The following AKT3 variants were observed in gnomAD, a reference collection of about 807,000 sequenced individuals.
The protein encoded by AKT3 is RAC-gamma serine/threonine-protein kinase.
Under a neutral mutation model 65.3 loss-of-function variants are expected in AKT3, and 15 were observed. The observed-to-expected ratio is 0.23, with a 90% CI of 0.15 to 0.35. AKT3 has a LOEUF of 0.35. AKT3 is among the 10% of genes least tolerant of loss of function. The probability of loss-of-function intolerance (pLI) is 1.00; values close to 1 mark genes in which losing one functional copy is unlikely to be tolerated. For missense variants in AKT3, 243 were observed against 576.5 expected (o/e 0.42, Z 5.92); for synonymous variants, 206 against 183.8 (o/e 1.12, Z -0.98).
intron 10 of AKT3, among the ~76,000 whole-genome samples, chr1:243,557,513 G>A (rs899145049): frequency 6.6e-6 from 1 of 151,966 alleles, no homozygotes; most frequent in Non-Finnish European, 1.5e-5. Context: ...TATAAACATT[G>A]AGAGGCGTTA....
At chr1:243,594,971 T>G (rs1676496908) in intron 8 of AKT3, among the ~76,000 whole-genome samples, 1 of 152,094 alleles carries the variant, frequency 6.6e-6, no homozygotes, top group Non-Finnish European at 1.5e-5. Flanking sequence ...ACAGCATACA[T>G]AAAAATTAAA....
intron 2 of AKT3, among the ~76,000 whole-genome samples, chr1:243,781,048 T>C (rs1231522342): frequency 6.6e-6 from 1 of 152,096 alleles, no homozygotes; most frequent in Non-Finnish European, 1.5e-5. Context: ...TAAAGTCTCT[T>C]CTATGGCATA....
intron 8 of AKT3, among the ~76,000 whole-genome samples, chr1:243,599,500 C>T (rs1005936208): frequency 2.0e-5 from 3 of 152,158 alleles, no homozygotes; most frequent in South Asian, 2.1e-4. Context: ...AGAAAATAGA[C>T]GTATGCTGTT....
intron 2 of AKT3, among the ~76,000 whole-genome samples, chr1:243,729,738 T>C (rs975649231): frequency 3.9e-5 from 6 of 152,184 alleles, no homozygotes; most frequent in African/African-American, 1.4e-4. Context: ...AATAAAAATA[T>C]GTGCATAGAC....
chr1:243,637,367 C>T (rs890078454), intron 6 of AKT3, among the ~76,000 whole-genome samples: 2 of 152,010 alleles, frequency 1.3e-5, no homozygotes, highest in African/African-American at 4.8e-5. Flanking sequence ...CCCAAACATG[C>T]AAACATAAAC....
Position 243,750,710 on chromosome 1 carries a change from T to C in AKT3, c.47-54994A>G, listed in dbSNP as rs541630454. On this transcript the variant is annotated intron_variant, in intron 2 of 13. Transcript: ENST00000673466. ...GATTCTCCTGCTTCAGCTTCTCGAG[T>C]AGCTGGGACTACAGGTGCCTGCCAT... Among the ~76,000 whole-genome samples the C allele has an allele frequency of 9.2e-5, 14 of 151,916 alleles. No homozygotes were observed. The South Asian group carries it at 2.9e-3, about 32-fold the overall frequency.
chr1:243,757,507 A>C (rs1425026159), intron 2 of AKT3, among the ~76,000 whole-genome samples: 2 of 152,072 alleles, frequency 1.3e-5, no homozygotes, highest in South Asian at 2.1e-4. Flanking sequence ...AATCCCTGCT[A>C]CTCAGGAGGC....
chr1:243,593,973 A>G (rs554126244), intron 8 of AKT3, among the ~76,000 whole-genome samples: 2 of 152,342 alleles, frequency 1.3e-5, no homozygotes, highest in South Asian at 4.1e-4. Context: ...ACAGACAAAT[A>G]TATACATGCC....
rs543290354 is a variant in AKT3, at chr1:243,682,217, C to T, written c.172+13374G>A. On this transcript the variant is annotated intron_variant, in intron 3 of 13. Transcript: ENST00000673466. ...TTATACAGTAAATACACTACAGTTGCCTTATCACACGCAGGCTGCAGGTGG... is the reference window on the plus strand; with the variant it reads ...TTATACAGTAAATACACTACAGTTGTCTTATCACACGCAGGCTGCAGGTGG... Among the ~76,000 whole-genome samples the T allele has an allele frequency of 2.0e-5, 3 of 152,150 alleles. No individual in the cohort carries two copies. The South Asian group carries it at 6.2e-4, about 32-fold the overall frequency.
chr1:243,679,561 C>T (rs1319192507), intron 3 of AKT3, among the ~76,000 whole-genome samples: 3 of 152,174 alleles, frequency 2.0e-5, no homozygotes, highest in Non-Finnish European at 4.4e-5. Context: ...TACACTGCTT[C>T]AGGACTTCTT....
Position 243,670,667 on chromosome 1 carries a change from G to A in AKT3, c.173-5784C>T, listed in dbSNP as rs564629675. ...TAATATGCATCAGTAAAGTAAATGT[G>A]CTTATACAAAATGCCAGGTAGCTAA... On this transcript the variant is annotated intron_variant, in intron 3 of 13. Transcript: ENST00000673466. Among the ~76,000 whole-genome samples, 9 of 152,248 alleles carry A rather than the reference G, an allele frequency of 5.9e-5. No individual in the cohort carries two copies. In the South Asian group the frequency reaches 1.9e-3, roughly 32 times the overall value.
chr1:243,524,072 C>T lies in AKT3; in HGVS notation c.1252-11646G>A, dbSNP rs561662198. 2.3e-4 allele frequency among the ~76,000 whole-genome samples: 35 copies of T among 152,306 alleles called. No individual in the cohort carries two copies. In the South Asian group the frequency reaches 5.4e-3, roughly 23 times the overall value. On this transcript the variant is annotated intron_variant, in intron 12 of 13. Transcript: ENST00000673466. ...CTGCCCTAGGCTACAGCCCTGTACA[C>T]GTTACAGTGCTGAATACGGTAGGCA...
At chr1:243,722,077 A>G (rs1161259547) in intron 2 of AKT3, among the ~76,000 whole-genome samples, 1 of 152,190 alleles carries the variant, frequency 6.6e-6, no homozygotes, top group East Asian at 1.9e-4. Context: ...AATACATTTC[A>G]GTTTTACAGT....
At chr1:243,515,920 T>C (rs1308686652) in intron 12 of AKT3, among the ~76,000 whole-genome samples, 1 of 150,990 alleles carries the variant, frequency 6.6e-6, no homozygotes, top group Non-Finnish European at 1.5e-5. Context: ...GAGCTTGCCA[T>C]GAGCTGAGAT....
At chr1:243,664,260 A>G (rs969706487) in intron 4 of AKT3, among the ~76,000 whole-genome samples, 2 of 134,748 alleles carry the variant, frequency 1.5e-5, no homozygotes, top group South Asian at 2.3e-4. Context: ...GCAGTGGCGC[A>G]ATCTCGGCTC....
Position 243,595,143 on chromosome 1 carries a change from T to C in AKT3, c.696+18528A>G, listed in dbSNP as rs138761623. Among the ~76,000 whole-genome samples, 11 of 152,338 alleles carry C rather than the reference T, an allele frequency of 7.2e-5. No homozygotes were observed. The East Asian group carries it at 1.9e-3, about 27-fold the overall frequency. ...TAGGGTTTACTTACATAAACCTAAA[T>C]GGCATAGCCTACTACTTCTAGGTAC... On this transcript the variant is annotated intron_variant, in intron 8 of 13. Coordinates refer to ENST00000673466, the MANE Select transcript of AKT3 (RefSeq NM_005465.7).
chr1:243,514,854 C>A (rs1670249368), intron 12 of AKT3, among the ~76,000 whole-genome samples: 1 of 152,116 alleles, frequency 6.6e-6, no homozygotes, highest in Non-Finnish European at 1.5e-5. Context: ...AAACATGCAA[C>A]TGATACGTTT....
At chr1:243,736,830 C>G (rs146411593) in intron 2 of AKT3, among the ~76,000 whole-genome samples, 10 of 152,168 alleles carry the variant, frequency 6.6e-5, no homozygotes, top group Non-Finnish European at 1.3e-4. Context: ...TATGCCACCC[C>G]TATATTGCTA....
intron 2 of AKT3, among the ~76,000 whole-genome samples, chr1:243,815,397 C>T (rs1476944427): frequency 6.6e-6 from 1 of 152,084 alleles, no homozygotes; most frequent in East Asian, 1.9e-4. Context: ...CTCGTGTTTC[C>T]GTTAATATTT....
Sources: gnomAD v4.1 joint callset for allele counts (sites outside exome capture counted in the v4.1 genomes callset) on GRCh38, gnomAD v4.1.1 for gene constraint, MANE v1.5 for transcripts, NCBI Gene and HGNC (gene_info 2026-07-23, HGNC 2026-07-21) for gene names.